The following CSMD1 variants were observed in gnomAD, a reference collection of about 807,000 sequenced individuals.
CSMD1 encodes CUB and Sushi multiple domains 1, also known as CUB and sushi domain-containing protein 1.
CSMD1 carries 213 observed loss-of-function variants against 417.5 expected under a neutral mutation model. That is an observed-to-expected ratio of 0.51 (90% CI 0.46 to 0.57). The LOEUF (loss-of-function observed/expected upper bound fraction) is 0.57. Among genes scored for constraint, CSMD1 ranks in the 20% least tolerant of loss-of-function variants. The pLI, the probability that CSMD1 is intolerant of heterozygous loss-of-function variation, is 0.00. For synonymous variants in CSMD1, 2,862 were observed against 1,736.8 expected (o/e 1.65, Z -16.11); for missense variants, 6,923 against 4,529.7 (o/e 1.53, Z -15.17).
chr8:4,280,357 A>C (rs777385488), intron 3 of CSMD1, among the ~76,000 whole-genome samples: 5 of 152,230 alleles, frequency 3.3e-5, no homozygotes, highest in Non-Finnish European at 7.3e-5. Context: ...TTTCTAATAA[A>C]TAATAATTGA....
intron 26 of CSMD1, among the ~76,000 whole-genome samples, chr8:3,234,650 G>T (rs1247797450): frequency 6.6e-6 from 1 of 152,186 alleles, no homozygotes; most frequent in Non-Finnish European, 1.5e-5. Context: ...ATTACTCCAA[G>T]AGAAGCCTGG....
chr8:3,138,705 G>T (rs1381433374), intron 41 of CSMD1, among the ~76,000 whole-genome samples: 1 of 152,198 alleles, frequency 6.6e-6, no homozygotes, highest in Non-Finnish European at 1.5e-5. Flanking sequence ...AGAGCTCTGA[G>T]GTAGAAAGGA....
At chr8:3,208,729 A>G (rs1032442198) in intron 30 of CSMD1, among the ~76,000 whole-genome samples, 3 of 152,106 alleles carry the variant, frequency 2.0e-5, no homozygotes, top group Non-Finnish European at 4.4e-5. Context: ...GCACCATCTA[A>G]TAAACTGCAG....
At chr8:3,205,762 T>C (rs915258252) in intron 30 of CSMD1, 142 bp from the exon 31 acceptor site, 2 of 486,278 alleles carry the variant, frequency 4.1e-6, no homozygotes, top group Non-Finnish European at 7.2e-6. Flanking sequence ...TGTTTTGCAT[T>C]GCTATCAAAG....
chr8:2,968,725 A>G (rs540561134), intron 57 of CSMD1, among the ~76,000 whole-genome samples: 6 of 152,312 alleles, frequency 3.9e-5, no homozygotes, highest in South Asian at 2.1e-4. Context: ...AAACAAAACA[A>G]TAGATTAAAT....
chr8:4,736,461 G>C (rs1054653465), intron 1 of CSMD1, among the ~76,000 whole-genome samples: 4 of 152,068 alleles, frequency 2.6e-5, no homozygotes, highest in African/African-American at 7.2e-5. Flanking sequence ...GGCCCCTCAG[G>C]TGGGCAAATA....
chr8:2,995,124 A>G (rs1366187860), intron 54 of CSMD1, among the ~76,000 whole-genome samples: 1 of 152,226 alleles, frequency 6.6e-6, no homozygotes, highest in Non-Finnish European at 1.5e-5. Context: ...ACTGGGAAAA[A>G]TTCTGCGAAT....
intron 26 of CSMD1, among the ~76,000 whole-genome samples, chr8:3,259,142 G>T (rs997066793): frequency 6.6e-6 from 1 of 152,098 alleles, no homozygotes; most frequent in East Asian, 1.9e-4. Context: ...CAAGGGCTAG[G>T]GCCATATTGA....
rs1008057624 is a variant in CSMD1 at position 4,825,205 on chromosome 8, T to C, written c.85+169127A>G. Among the ~76,000 whole-genome samples the C allele has an allele frequency of 7.2e-5, 11 of 152,104 alleles. No individual in the cohort carries two copies. In the South Asian group the frequency reaches 1.4e-3, roughly 20 times the overall value. On this transcript the variant is annotated intron_variant, in intron 1 of 69. Coordinates refer to ENST00000635120, the MANE Select transcript of CSMD1 (RefSeq NM_033225.6). ...CATTTTTGAAGAGATGTAATCAATA[T>C]TCAAAATACTGCACGTTTAATATAC...
At chr8:4,459,759 A>G (rs1443732920) in intron 2 of CSMD1, among the ~76,000 whole-genome samples, 1 of 152,324 alleles carries the variant, frequency 6.6e-6, no homozygotes, top group South Asian at 2.1e-4. Flanking sequence ...TTCAGCCTCT[A>G]GCCTCCAGAA....
intron 10 of CSMD1, among the ~76,000 whole-genome samples, chr8:3,511,240 G>C (rs889544494): frequency 6.6e-6 from 1 of 151,656 alleles, no homozygotes; most frequent in Admixed American, 6.6e-5. Flanking sequence ...GGGGGTGAGA[G>C]GCTAGGGAAT....
rs1585015430 is a variant in CSMD1, at chr8:3,797,784, T to A, written c.819-43742A>T. Among the ~76,000 whole-genome samples, 7 of 152,056 alleles carry A rather than the reference T, an allele frequency of 4.6e-5. 2 individuals are homozygous for A. In the South Asian group the frequency reaches 1.5e-3, roughly 32 times the overall value. ...TCATTAAACGTGATAAAACAGAAAA[T>A]TCCTAGGTTATTAGGTAGGTATATG... On this transcript the variant is annotated intron_variant, in intron 5 of 69. Coordinates refer to ENST00000635120, the MANE Select transcript of CSMD1 (RefSeq NM_033225.6).
chr8:4,420,723 G>C (rs1797202434), intron 2 of CSMD1, among the ~76,000 whole-genome samples: 1 of 152,084 alleles, frequency 6.6e-6, no homozygotes, highest in Non-Finnish European at 1.5e-5. Flanking sequence ...CCGTGCAATA[G>C]GCTGTGAGCC....
chr8:3,817,241 A>ATCTTCT (rs1554447274), intron 5 of CSMD1, among the ~76,000 whole-genome samples: 1 of 89,598 alleles, frequency 1.1e-5, no homozygotes, highest in Non-Finnish European at 2.4e-5. Context: ...AAGTGGTCAT[A>ATCTTCT]TCTTCTTCTT....
chr8:4,495,281 A>G (rs1001345044), intron 2 of CSMD1, among the ~76,000 whole-genome samples: 3 of 152,184 alleles, frequency 2.0e-5, no homozygotes, highest in African/African-American at 4.8e-5. Context: ...TGACTAATAC[A>G]AAATGATTTC....
At chr8:4,819,680 T>G (rs1008948000) in intron 1 of CSMD1, among the ~76,000 whole-genome samples, 1 of 152,166 alleles carries the variant, frequency 6.6e-6, no homozygotes, top group Non-Finnish European at 1.5e-5. Context: ...CAGTCTTTTG[T>G]AAATTCTGTC....
At chr8:4,333,435 A>G (rs1799987945) in intron 3 of CSMD1, among the ~76,000 whole-genome samples, 1 of 152,120 alleles carries the variant, frequency 6.6e-6, no homozygotes, top group African/African-American at 2.4e-5. Flanking sequence ...TATGCTTGAA[A>G]AAGTTGTCTT....
chr8:3,985,416 C>G lies in CSMD1; in HGVS notation c.818+12487G>C, dbSNP rs563777080. 7.9e-5 allele frequency among the ~76,000 whole-genome samples: 12 copies of G among 152,182 alleles called. No individual in the cohort carries two copies. The South Asian group carries it at 2.5e-3, about 32-fold the overall frequency. On this transcript the variant is annotated intron_variant, in intron 5 of 69. Transcript: ENST00000635120. The stretch of plus-strand genomic sequence containing the variant: ...ATATACATCTACCCTCTTGTCTAGT[C>G]TTATGTGCACACACACACAAACACA...
chr8:3,213,409 C>G (rs1797721316), intron 30 of CSMD1, among the ~76,000 whole-genome samples: 1 of 152,116 alleles, frequency 6.6e-6, no homozygotes, highest in Admixed American at 6.5e-5. Context: ...AAACCACCAC[C>G]TAGGTGAAGA....
Sources: allele counts gnomAD v4.1 joint callset (sites outside exome capture counted in the v4.1 genomes callset), GRCh38; gene constraint gnomAD v4.1.1; transcripts MANE v1.5; gene names NCBI Gene and HGNC (gene_info 2026-07-23, HGNC 2026-07-21).